The following BTBD7 variants were observed in gnomAD, a reference collection of about 807,000 sequenced individuals.
BTBD7 encodes the protein BTB domain containing 7.
A neutral mutation model predicts 99.9 loss-of-function variants in BTBD7; 38 were observed. The ratio of observed to expected loss-of-function variants is 0.38; its 90% CI spans 0.29 to 0.50. The LOEUF (loss-of-function observed/expected upper bound fraction) is 0.50. Among genes scored for constraint, BTBD7 ranks in the 20% least tolerant of loss-of-function variants. The pLI, the probability that BTBD7 is intolerant of heterozygous loss-of-function variation, is 0.93. For synonymous variants in BTBD7, 520 were observed against 511.4 expected (o/e 1.02, Z -0.23); for missense variants, 1,170 against 1,394.6 (o/e 0.84, Z 2.57).
intron 5 of BTBD7, among the ~76,000 whole-genome samples, chr14:93,258,402 T>A (rs1217118362): frequency 6.6e-6 from 1 of 152,002 alleles, no homozygotes; most frequent in Non-Finnish European, 1.5e-5. Context: ...TTTCTTAAAG[T>A]AGTGACATCC....
intron 1 of BTBD7, among the ~76,000 whole-genome samples, chr14:93,308,407 A>G (rs110742): frequency 0.86 from 130,734 of 152,206 alleles, 56,658 homozygotes; most frequent in East Asian, 1. Context: ...GACTTGTGGA[A>G]ATGTTTCCAT....
At chr14:93,281,260 C>T (rs1336073522) in intron 3 of BTBD7, among the ~76,000 whole-genome samples, 1 of 151,930 alleles carries the variant, frequency 6.6e-6, no homozygotes, top group Admixed American at 6.6e-5. Flanking sequence ...CCTTGGCCTC[C>T]CAAAATGCTA....
At chr14:93,298,553 C>A (rs907524506) in intron 1 of BTBD7, among the ~76,000 whole-genome samples, 2 of 152,104 alleles carry the variant, frequency 1.3e-5, no homozygotes, top group African/African-American at 4.8e-5. Flanking sequence ...CAAGCTATCT[C>A]ATTATGTAGA....
chr14:93,254,063 G>A (rs1359930536), intron 6 of BTBD7, among the ~76,000 whole-genome samples: 1 of 151,404 alleles, frequency 6.6e-6, no homozygotes, highest in East Asian at 1.9e-4. Context: ...TCAGCCTCCC[G>A]AGTAGCTGGG....
Position 93,248,509 on chromosome 14 carries a change from A to G in BTBD7, c.2088T>C (p.Phe696=), listed in dbSNP as rs763214492. ...GCTCTGCAGCAGCATCTGCAAGACC[A>G]AACTCTCTTAGCACTCGAATCTGAA... ...YEIQIRVLRE[F]GLADAAAELL... is the part of the protein sequence containing the mutation. The change falls in exon 9 of 11, where the codon TTT becomes TTC. Residue 696 remains phenylalanine (F), a synonymous_variant. Transcript: ENST00000334746. 1.2e-6 allele frequency: 2 copies of G among 1,614,010 alleles called. No individual in the cohort carries two copies. Among genetic ancestry groups the G allele is most frequent in the Non-Finnish European group, 1.7e-6 (2 of 1,180,036 alleles).
chr14:93,257,312 T>G lies in BTBD7; in HGVS notation c.1491A>C (p.Arg497Ser), dbSNP rs1374773876. The change falls in exon 6 of 11, where the codon AGA becomes AGC. Residue 497 changes from arginine (R) to serine (S), a missense_variant. This residue lies in a region of BTBD7 where 309 missense variants were observed against 342.0 expected (regional missense o/e 0.90). Transcript: ENST00000334746. ...TGTCCAGGTCCCGTCTTTTTACACC[T>G]CTTTTGTTCACACTATGGGCAGTGC... ...LSGTAHSVNK[R>S]GVKRRDLDME... 1 of 1,614,034 alleles carries G rather than the reference T, an allele frequency of 6.2e-7. No individual in the cohort carries two copies. Among genetic ancestry groups the G allele is most frequent in the Non-Finnish European group, 8.5e-7 (1 of 1,179,966 alleles).
chr14:93,242,334 A>T lies in BTBD7; in HGVS notation c.3338T>A (p.Ile1113Lys). ...GCTTGGTGACCTCCTTCCTCTGCTT[A>T]TTGAATCTTCCCTTTCCAAATCTGT... ...RNTDLEREDS[I>K]SRGRRSPSKP... The change falls in exon 11 of 11, where the codon ATA (isoleucine) becomes AAA (lysine). Residue 1113 changes from isoleucine (I) to lysine (K), a missense_variant. By Grantham distance (102) the Ile-to-Lys change is moderately radical. Coordinates refer to ENST00000334746, the MANE Select transcript of BTBD7 (RefSeq NM_001002860.4). The T allele has an allele frequency of 6.2e-7, 1 of 1,614,174 alleles. No homozygotes were observed. Among genetic ancestry groups the T allele is most frequent in the African/African-American group, 1.3e-5 (1 of 75,028 alleles).
chr14:93,312,454 G>C (rs1162329205), intron 1 of BTBD7, among the ~76,000 whole-genome samples: 2 of 152,198 alleles, frequency 1.3e-5, no homozygotes, highest in Non-Finnish European at 2.9e-5. Context: ...CTTTCAAAGA[G>C]AAATAATATG....
rs1595279742 is a variant in BTBD7, at chr14:93,242,078, T to A, written c.*195A>T. On this transcript the variant is annotated 3_prime_UTR_variant, in exon 11 of 11. Transcript: ENST00000334746. ...ATTGTTCAAAGACAAATTAGACAGA[T>A]GCAACATTAAAAAAAAAAAACAAAA... The A allele has an allele frequency of 3.6e-6, 2 of 561,976 alleles. No individual in the cohort carries two copies. The highest frequency in any genetic ancestry group is 5.6e-5 in the East Asian group (2 of 35,494). 34.8% of individuals were successfully genotyped at this position (561,976 alleles called of 1,614,324 possible). A position where few individuals can be genotyped will look rare whatever the true frequency, so the allele number is the denominator to read the frequency against.
At chr14:93,301,123 G>A (rs2052999543) in intron 1 of BTBD7, among the ~76,000 whole-genome samples, 1 of 152,060 alleles carries the variant, frequency 6.6e-6, no homozygotes, top group South Asian at 2.1e-4. Context: ...GGGAGACTGA[G>A]GCAGGAGGAC....
chr14:93,293,852 T>G lies in BTBD7; in HGVS notation c.1162+6A>C. ...TAAATCAGAATTAAAAACCAGAACT[T>G]CATACCTTGTGCAAGCATGTTAAAT... is the stretch of plus-strand genomic sequence containing the variant. On this transcript the variant is annotated splice_donor_region_variant and intron_variant, in intron 3 of 10. Transcript: ENST00000334746. 1.3e-6 allele frequency: 2 copies of G among 1,598,492 alleles called. No homozygotes were observed. The highest frequency in any genetic ancestry group is 1.7e-6 in the Non-Finnish European group (2 of 1,174,742).
rs568631337 is a variant in BTBD7, at chr14:93,244,581, G to A, written c.2583+1244C>T. 1.4e-4 allele frequency among the ~76,000 whole-genome samples: 22 copies of A among 152,222 alleles called. No homozygotes were observed. The East Asian group carries it at 1.7e-3, about 12-fold the overall frequency. The stretch of plus-strand genomic sequence containing the variant: ...GGAGGATTGCTTGAACCCGGGAGGC[G>A]GAGATTGCAGTGAGCCGAGATTGCA... On this transcript the variant is annotated intron_variant, in intron 10 of 10. Transcript: ENST00000334746.
At chr14:93,282,335 C>CTTTT (rs71129622) in intron 3 of BTBD7, among the ~76,000 whole-genome samples, 2 of 140,004 alleles carry the variant, frequency 1.4e-5, no homozygotes, top group Non-Finnish European at 3.1e-5. Context: ...ATGCTTTTTT[C>CTTTT]TTTTTTTTTT....
intron 3 of BTBD7, among the ~76,000 whole-genome samples, chr14:93,285,178 T>C (rs2052763220): frequency 6.6e-6 from 1 of 152,064 alleles, no homozygotes; most frequent in Non-Finnish European, 1.5e-5. Flanking sequence ...AGAGTGTCAA[T>C]ATGTAGACAG....
chr14:93,288,235 T>C (rs2139754798), intron 3 of BTBD7: 1 of 428,414 alleles, frequency 2.3e-6, no homozygotes, highest in East Asian at 3.7e-5. Context: ...TTAGATACTG[T>C]CTTCTCTTCA....
intron 1 of BTBD7, among the ~76,000 whole-genome samples, chr14:93,318,160 A>G (rs954809997): frequency 2.0e-5 from 3 of 152,214 alleles, no homozygotes; most frequent in East Asian, 3.9e-4. Flanking sequence ...ACAAAACGGG[A>G]TATGATAAAA....
At chr14:93,322,219 C>G (rs2053278360) in intron 1 of BTBD7, among the ~76,000 whole-genome samples, 1 of 152,112 alleles carries the variant, frequency 6.6e-6, no homozygotes, top group African/African-American at 2.4e-5. Context: ...CTCAAGCGAT[C>G]CTTCCACCTC....
In BTBD7 at chr14:93,286,930, T is replaced by C. The variant is rs1020608312; in HGVS notation, c.1162+6928A>G. Among the ~76,000 whole-genome samples the C allele has an allele frequency of 2.6e-5, 4 of 152,288 alleles. No homozygotes were observed. The East Asian group carries it at 7.7e-4, about 29-fold the overall frequency. On this transcript the variant is annotated intron_variant, in intron 3 of 10. Coordinates refer to ENST00000334746, the MANE Select transcript of BTBD7 (RefSeq NM_001002860.4). ...GGTTCTTATGGGCACTGATGTCATATCTTTACATTTAAAAAGTTAATTCTG... is the reference window on the plus strand; with the variant it reads ...GGTTCTTATGGGCACTGATGTCATACCTTTACATTTAAAAAGTTAATTCTG...
chr14:93,291,156 AAAGTT>A (rs1228946402), intron 3 of BTBD7, among the ~76,000 whole-genome samples: 1 of 151,700 alleles, frequency 6.6e-6, no homozygotes, highest in Non-Finnish European at 1.5e-5. Flanking sequence ...TTTTAAACTT[AAAGTT>A]ATTTTTAGAA....
Sources: gnomAD v4.1 joint callset for allele counts (sites outside exome capture counted in the v4.1 genomes callset) on GRCh38, gnomAD v4.1.1 for gene constraint, gnomAD v4.1.1 regional missense constraint, MANE v1.5 for transcripts, NCBI Gene and HGNC (gene_info 2026-07-23, HGNC 2026-07-21) for gene names.